THYN1: variants seen among roughly 807,000 people sequenced by gnomAD.
THYN1 encodes thymocyte nuclear protein 1.
THYN1 carries 32 observed loss-of-function variants against 30.6 expected under a neutral mutation model. The ratio of observed to expected loss-of-function variants is 1.05; its 90% confidence interval spans 0.79 to 1.40. The LOEUF (loss-of-function observed/expected upper bound fraction) is 1.40. Among genes scored for constraint, THYN1 ranks in the 40% most tolerant of loss-of-function variants. THYN1 has a pLI of 0.00. For synonymous variants in THYN1, 107 were observed against 90.8 expected (o/e 1.18, Z -1.01); for missense variants, 259 against 272.6 (o/e 0.95, Z 0.35).
Position 134,250,255 on chromosome 11 carries a change from C to T in THYN1, c.291+20G>A. 6.2e-7 allele frequency: 1 copy of T among 1,614,074 alleles called. No homozygotes were observed. Among genetic ancestry groups the T allele is most frequent in the Non-Finnish European group, 8.5e-7 (1 of 1,179,954 alleles). ...TTCATCCCACCTGGGTCTCAGGCGA[C>T]CTCCTCCTTACCCTCTTACCTGGTA... On this transcript the variant is annotated intron_variant, in intron 3 of 6. Coordinates refer to ENST00000341541, the MANE Select transcript of THYN1 (RefSeq NM_014174.3).
intron 3 of THYN1, 22 bp downstream of exon 3, chr11:134,250,253 G>T: frequency 6.2e-7 from 1 of 1,613,892 alleles, no homozygotes; most frequent in Non-Finnish European, 8.5e-7. Context: ...GGTCTCAGGC[G>T]ACCTCCTCCT....
rs763679759 is a variant in THYN1 at position 134,248,835 on chromosome 11, C to CCA, written c.604_605insTG (p.Arg202MetfsTer8). 2.5e-6 allele frequency: 4 copies of CCA among 1,614,198 alleles called. No individual in the cohort carries two copies. The South Asian group carries it at 4.4e-5, about 18-fold the overall frequency. ...CTGGGTCAGGGGCTGGATTGATAAT[C>CCA]TCTGGCGAGTGAAGAGAACCATATT... is the stretch of plus-strand genomic sequence containing the variant. On this transcript the variant is annotated frameshift_variant, in exon 6 of 7. Transcript: ENST00000341541. LOFTEE classifies it high-confidence loss of function.
chr11:134,251,116 G>C lies in THYN1; in HGVS notation c.222+14C>G. On this transcript the variant is annotated intron_variant, in intron 2 of 6. Transcript: ENST00000341541. The stretch of plus-strand genomic sequence containing the variant: ...AACACCATGAAGGGACTGGAGACAG[G>C]TCAAGGGTCTCACCTTCACATCTAC... The C allele has an allele frequency of 6.2e-7, 1 of 1,603,124 alleles. No homozygotes were observed. Among genetic ancestry groups the C allele is most frequent in the South Asian group, 1.1e-5 (1 of 89,390 alleles).
intron 1 of THYN1, chr11:134,251,677 T>C (rs1263097030): frequency 2.8e-5 from 5 of 180,374 alleles, no homozygotes; most frequent in African/African-American, 9.4e-5. Context: ...AATGAGGTAA[T>C]ACAAAGGGCC....
rs1270227769 is a variant in THYN1 at position 134,251,445 on chromosome 11, T to C, written c.44-137A>G. ...CAGCTGTAGGAACTTAATCTTACTGTTAAGAAGCTTTCCTTATCTATAAAA... is the reference window on the plus strand; with the variant it reads ...CAGCTGTAGGAACTTAATCTTACTGCTAAGAAGCTTTCCTTATCTATAAAA... On this transcript the variant is annotated intron_variant, in intron 1 of 6. Transcript: ENST00000341541. The C allele has an allele frequency of 4.2e-6, 4 of 952,142 alleles. No homozygotes were observed. In the African/African-American group the frequency reaches 6.6e-5, roughly 16 times the overall value. 59.0% of individuals were successfully genotyped at this position (952,142 alleles called of 1,614,324 possible). A position where few individuals can be genotyped will look rare whatever the true frequency, so the allele number is the denominator to read the frequency against.
At chr11:134,250,934 G>C (rs1486378040) in intron 2 of THYN1, among the ~76,000 whole-genome samples, 196 bp downstream of exon 2, 1 of 152,208 alleles carries the variant, frequency 6.6e-6, no homozygotes, top group Non-Finnish European at 1.5e-5. Flanking sequence ...TTGTGGCAAA[G>C]GTTAGCCAAC....
rs1939199049 is a variant in THYN1, at chr11:134,253,074, C to T, written c.-192G>A. On this transcript the variant is annotated 5_prime_UTR_variant, in exon 1 of 7. It introduces an in-frame stop codon into an upstream open reading frame of the 5' UTR. Transcript: ENST00000341541. ...CAAATCCTTCCCTCCGTTATCTGCG[C>T]CATTTCCATCTCGCATAACCTGCCC... is the stretch of plus-strand genomic sequence containing the variant. 4 of 1,389,274 alleles carry T rather than the reference C, an allele frequency of 2.9e-6. No homozygotes were observed. In the African/African-American group the frequency reaches 5.9e-5, roughly 21 times the overall value. The allele number at this position is 1,389,274 out of a possible 1,614,324, so 86.1% of individuals were successfully genotyped here.
intron 4 of THYN1, 26 bp from the exon 5 acceptor site, chr11:134,249,288 T>C: frequency 6.2e-7 from 1 of 1,608,694 alleles, no homozygotes. Flanking sequence ...AAGCTTTGAA[T>C]CATCTGCCTG....
At position 134,253,068 on chromosome 11, in the gene THYN1, T is replaced by A; in HGVS notation, c.-186A>T. The A allele has an allele frequency of 7.2e-7, 1 of 1,390,428 alleles. No homozygotes were observed. The highest frequency in any genetic ancestry group is 9.3e-7 in the Non-Finnish European group (1 of 1,078,396). The allele number at this position is 1,390,428 out of a possible 1,614,324, so 86.1% of individuals were successfully genotyped here. Reference sequence around the variant, plus strand: ...AGCCCTCAAATCCTTCCCTCCGTTATCTGCGCCATTTCCATCTCGCATAAC... The same window carrying A: ...AGCCCTCAAATCCTTCCCTCCGTTAACTGCGCCATTTCCATCTCGCATAAC... On this transcript the variant is annotated 5_prime_UTR_variant, in exon 1 of 7. Transcript: ENST00000341541.
chr11:134,250,782 T>A (rs1283012496), intron 2 of THYN1, among the ~76,000 whole-genome samples: 10 of 152,168 alleles, frequency 6.6e-5, no homozygotes, highest in Admixed American at 5.2e-4. Flanking sequence ...TCTAACCCCA[T>A]GCTGGATTTT....
rs1938965170 is a variant in THYN1 at position 134,249,844 on chromosome 11, A to T, written c.368T>A (p.Ile123Asn). 3.1e-6 allele frequency: 5 copies of T among 1,614,184 alleles called. No homozygotes were observed. The East Asian group carries it at 1.1e-4, about 36-fold the overall frequency. Residue 123 changes from isoleucine to asparagine, a missense_variant, in exon 4 of 7, where the codon ATC (isoleucine) becomes AAC (asparagine). By Grantham distance (149) the Ile-to-Asn change is moderately radical. Transcript: ENST00000341541. ...CCAACTAACCTTCATGAGTCCTGCG[A>T]TGCCTGGCTCTTTGCAGTTGCTATG... ...FYHSNCKEPG[I>N]AGLMKIVKEA...
At chr11:134,252,599 G>A (rs1939140469) in intron 1 of THYN1, among the ~76,000 whole-genome samples, 1 of 152,116 alleles carries the variant, frequency 6.6e-6, no homozygotes, top group African/African-American at 2.4e-5. Flanking sequence ...TCTTTAGCAC[G>A]CCACCTGGTA....
chr11:134,250,588 A>G (rs1328798440), intron 2 of THYN1, among the ~76,000 whole-genome samples: 1 of 152,188 alleles, frequency 6.6e-6, no homozygotes, highest in Non-Finnish European at 1.5e-5. Flanking sequence ...GTGATAAAGT[A>G]ATCTGCTAGT....
intron 4 of THYN1, 68 bp from the exon 5 acceptor site, chr11:134,249,330 T>A (rs755023212): frequency 2.0e-6 from 3 of 1,482,296 alleles, no homozygotes; most frequent in Non-Finnish European, 2.8e-6. Flanking sequence ...TTTTAATCCA[T>A]ATCCAACTTT....
chr11:134,251,360 T>G (rs762795151), intron 1 of THYN1, 52 bp from the exon 2 acceptor site: 2 of 1,556,714 alleles, frequency 1.3e-6, no homozygotes, highest in African/African-American at 2.8e-5. Flanking sequence ...AGGCAATGTT[T>G]CATAATGGAA....
intron 6 of THYN1, 73 bp downstream of exon 6, chr11:134,248,736 T>G: frequency 6.3e-7 from 1 of 1,588,428 alleles, no homozygotes. Context: ...TGCCCAAGTT[T>G]AATCAGCTAG....
chr11:134,253,001 A>G lies in THYN1; in HGVS notation c.-119T>C. The stretch of plus-strand genomic sequence containing the variant: ...AGATGGAGGCAACGAGAGGCAGCCT[A>G]GAACGTCTCCAACTTTTGCGAAACA... On this transcript the variant is annotated 5_prime_UTR_variant, in exon 1 of 7. Coordinates refer to ENST00000341541, the MANE Select transcript of THYN1 (RefSeq NM_014174.3). 6.8e-7 allele frequency: 1 copy of G among 1,466,630 alleles called. No homozygotes were observed. The highest frequency in any genetic ancestry group is 9.0e-7 in the Non-Finnish European group (1 of 1,114,732). 90.9% of individuals were successfully genotyped at this position (1,466,630 alleles called of 1,614,324 possible). A position where few individuals can be genotyped will look rare whatever the true frequency, so the allele number is the denominator to read the frequency against.
chr11:134,252,688 C>T, intron 1 of THYN1, 152 bp downstream of exon 1: 1 of 862,794 alleles, frequency 1.2e-6, no homozygotes, highest in South Asian at 1.6e-5. Flanking sequence ...CTTGGTGAGA[C>T]AAGTAAAGAA....
chr11:134,252,748 C>A, intron 1 of THYN1, 92 bp downstream of exon 1: 1 of 1,438,926 alleles, frequency 6.9e-7, no homozygotes, highest in South Asian at 1.2e-5. Context: ...AAAGGGTTCT[C>A]AAAAAGCAGG....
Sources: gnomAD v4.1 joint callset for allele counts (sites outside exome capture counted in the v4.1 genomes callset) on GRCh38, gnomAD v4.1.1 for gene constraint, MANE v1.5 for transcripts, NCBI Gene and HGNC (gene_info 2026-07-23, HGNC 2026-07-21) for gene names.